DOLPP1: variants seen among roughly 807,000 people sequenced by gnomAD.
DOLPP1 encodes dolichyl pyrophosphate phosphatase 1.
DOLPP1 carries 15 observed loss-of-function variants against 34.1 expected under a neutral mutation model. The ratio of observed to expected loss-of-function variants is 0.44; its 90% CI spans 0.29 to 0.68. The LOEUF is 0.68. Among genes scored for constraint, DOLPP1 ranks in the 30% least tolerant of loss-of-function variants. The pLI is 0.12. For missense variants in DOLPP1, 249 were observed against 307.1 expected (o/e 0.81, Z 1.41); for synonymous variants, 130 against 128.2 (o/e 1.01, Z -0.10).
intron 1 of DOLPP1, among the ~76,000 whole-genome samples, chr9:129,084,116 C>A (rs1846938846): frequency 6.6e-6 from 1 of 152,238 alleles, no homozygotes; most frequent in African/African-American, 2.4e-5. Flanking sequence ...TCAGTGTGGA[C>A]CCAAGTCTGT....
At position 129,085,128 on chromosome 9, in the gene DOLPP1, GC is replaced by G; in HGVS notation, c.262+23del. Reference sequence around the variant, plus strand: ...TGGAGGTAGGGCCTCAGCTGCGAGGGCCTGAGGTTCCCCCAGGTTGGGGCGT... The same window carrying G: ...TGGAGGTAGGGCCTCAGCTGCGAGGGCTGAGGTTCCCCCAGGTTGGGGCGT... On this transcript the variant is annotated intron_variant, in intron 3 of 7. Transcript: ENST00000372546. The surrounding 1 kb of genome is among the most constrained non-coding windows in gnomAD (Gnocchi z 7.0). 3 of 1,606,046 alleles carry G rather than the reference GC, an allele frequency of 1.9e-6. No homozygotes were observed. The highest frequency in any genetic ancestry group is 2.6e-6 in the Non-Finnish European group (3 of 1,175,682).
chr9:129,087,953 C>T (rs979049025), intron 7 of DOLPP1, among the ~76,000 whole-genome samples: 5 of 151,776 alleles, frequency 3.3e-5, no homozygotes, highest in Non-Finnish European at 5.9e-5. Flanking sequence ...TTACCAAAAT[C>T]TCAGGGCACA....
Position 129,085,739 on chromosome 9 carries a change from G to A in DOLPP1, c.461+123G>A. 1.3e-6 allele frequency: 1 copy of A among 748,522 alleles called. No homozygotes were observed. The highest frequency in any genetic ancestry group is 2.1e-6 in the Non-Finnish European group (1 of 470,628). 46.4% of individuals were successfully genotyped at this position (748,522 alleles called of 1,614,324 possible). A position where few individuals can be genotyped will look rare whatever the true frequency, so the allele number is the denominator to read the frequency against. On this transcript the variant is annotated intron_variant, in intron 5 of 7. Coordinates refer to ENST00000372546, the MANE Select transcript of DOLPP1 (RefSeq NM_020438.5). The surrounding 1 kb of genome is among the most constrained non-coding windows in gnomAD (Gnocchi z 7.0). The stretch of plus-strand genomic sequence containing the variant: ...ACCTGTAGTGCAGGACTGGAAAAGG[G>A]GTCCCAGACCTCTAGTTTTAAAAGG...
At position 129,090,184 on chromosome 9, in the gene DOLPP1, T is replaced by C. The variant is rs758505954; in HGVS notation, c.*1177T>C. 6.6e-6 allele frequency: 1 copy of C among 152,656 alleles called. No homozygotes were observed. The highest frequency in any genetic ancestry group is 6.5e-5 in the Admixed American group (1 of 15,280). The allele number at this position is 152,656 out of a possible 1,614,324, so 9.5% of individuals were successfully genotyped here. ...TCCCCACCCCTTTCTTTGTGGAGTT[T>C]CCTAACCTGCTGCTGAAGCACAATG... is the stretch of plus-strand genomic sequence containing the variant. On this transcript the variant is annotated 3_prime_UTR_variant, in exon 8 of 8. Coordinates refer to ENST00000372546, the MANE Select transcript of DOLPP1 (RefSeq NM_020438.5).
Position 129,085,378 on chromosome 9 carries a change from C to T in DOLPP1, c.362+72C>T. ...AGTTCTGCTAGGGACTCACTGCTAGCCCTTTGGATGCCCCTGGGGTGGGAG... is the reference window on the plus strand; with the variant it reads ...AGTTCTGCTAGGGACTCACTGCTAGTCCTTTGGATGCCCCTGGGGTGGGAG... On this transcript the variant is annotated intron_variant, in intron 4 of 7. Coordinates refer to ENST00000372546, the MANE Select transcript of DOLPP1 (RefSeq NM_020438.5). This position sits in a 1 kb window ranked among gnomAD's most constrained non-coding sequence, Gnocchi z 7.0. 1 of 1,538,318 alleles carries T rather than the reference C, an allele frequency of 6.5e-7. No homozygotes were observed. The highest frequency in any genetic ancestry group is 9.0e-7 in the Non-Finnish European group (1 of 1,112,228).
In DOLPP1 at chr9:129,089,199, C is replaced by G. The variant is rs1006348978; in HGVS notation, c.*192C>G. The G allele has an allele frequency of 1.9e-6, 1 of 519,680 alleles. No individual in the cohort carries two copies. Among genetic ancestry groups the G allele is most frequent in the Admixed American group, 3.2e-5 (1 of 31,650 alleles). 32.2% of individuals were successfully genotyped at this position (519,680 alleles called of 1,614,324 possible). A position where few individuals can be genotyped will look rare whatever the true frequency, so the allele number is the denominator to read the frequency against. On this transcript the variant is annotated 3_prime_UTR_variant, in exon 8 of 8. Transcript: ENST00000372546. This position sits in a 1 kb window ranked among gnomAD's most constrained non-coding sequence, Gnocchi z 4.9. ...GCTGAACCAGCCCCTCAACCAGGACCCTGGGGGGCCTGCTGCCTGGGGGCC... is the reference window on the plus strand; with the variant it reads ...GCTGAACCAGCCCCTCAACCAGGACGCTGGGGGGCCTGCTGCCTGGGGGCC...
rs576457674 is a variant in DOLPP1, at chr9:129,089,961, C to G, written c.*954C>G. 1 of 152,386 alleles carries G rather than the reference C, an allele frequency of 6.6e-6. No individual in the cohort carries two copies. The highest frequency in any genetic ancestry group is 1.5e-5 in the Non-Finnish European group (1 of 68,076). The allele number at this position is 152,386 out of a possible 1,614,324, so 9.4% of individuals were successfully genotyped here. On this transcript the variant is annotated 3_prime_UTR_variant, in exon 8 of 8. Coordinates refer to ENST00000372546, the MANE Select transcript of DOLPP1 (RefSeq NM_020438.5). The surrounding 1 kb of genome is among the most constrained non-coding windows in gnomAD (Gnocchi z 4.9). ...GACCCATCTCTGACCAGCTGGGAAC[C>G]TGCTTGGGGTCCCCCTCAAACCTGT...
At chr9:129,081,230 A>T in intron 1 of DOLPP1, 23 bp downstream of exon 1, 1 of 1,605,864 alleles carries the variant, frequency 6.2e-7, no homozygotes, top group Non-Finnish European at 8.5e-7. Context: ...CCCGGCTCCA[A>T]GGACGCCTTC....
intron 2 of DOLPP1, 24 bp downstream of exon 2, chr9:129,084,792 TCCCCA>T: frequency 1.7e-6 from 2 of 1,160,954 alleles, no homozygotes; most frequent in South Asian, 1.2e-5. Flanking sequence ...GCCCACACCC[TCCCCA>T]CCCCACCCCC....
intron 7 of DOLPP1, among the ~76,000 whole-genome samples, chr9:129,088,157 G>A (rs1407750010): frequency 7.3e-6 from 1 of 137,450 alleles, no homozygotes; most frequent in Non-Finnish European, 1.6e-5. Context: ...GGGGGGGATG[G>A]GGGGATGGGG....
At chr9:129,087,223 T>A (rs1280480452) in intron 7 of DOLPP1, among the ~76,000 whole-genome samples, 1 of 152,170 alleles carries the variant, frequency 6.6e-6, no homozygotes, top group Non-Finnish European at 1.5e-5. Context: ...AGGACAGAGC[T>A]GAGCTTTGGA....
chr9:129,087,608 G>T (rs946257610), intron 7 of DOLPP1, among the ~76,000 whole-genome samples: 2 of 151,180 alleles, frequency 1.3e-5, no homozygotes, highest in Non-Finnish European at 3.0e-5. Flanking sequence ...GAGCCACCTC[G>T]CCCGGCCGAA....
chr9:129,084,310 G>C (rs960780778), intron 1 of DOLPP1, among the ~76,000 whole-genome samples: 1 of 152,258 alleles, frequency 6.6e-6, no homozygotes, highest in Non-Finnish European at 1.5e-5. Context: ...CTAGTGTCTG[G>C]AACAGGTCAG....
chr9:129,085,766 C>T lies in DOLPP1; in HGVS notation c.461+150C>T, dbSNP rs1846977407. The T allele has an allele frequency of 3.0e-6, 2 of 657,252 alleles. No homozygotes were observed. The highest frequency in any genetic ancestry group is 3.6e-5 in the African/African-American group (2 of 54,970). The allele number at this position is 657,252 out of a possible 1,614,324, so 40.7% of individuals were successfully genotyped here. A position where few individuals can be genotyped will look rare whatever the true frequency, so the allele number is the denominator to read the frequency against. On this transcript the variant is annotated intron_variant, in intron 5 of 7. Coordinates refer to ENST00000372546, the MANE Select transcript of DOLPP1 (RefSeq NM_020438.5). This position sits in a 1 kb window ranked among gnomAD's most constrained non-coding sequence, Gnocchi z 7.0. Reference sequence around the variant, plus strand: ...TCCCAGACCTCTAGTTTTAAAAGGACAGGGCTCCAGCTGCCTCTTCTAGCC... The same window carrying T: ...TCCCAGACCTCTAGTTTTAAAAGGATAGGGCTCCAGCTGCCTCTTCTAGCC...
In DOLPP1 at chr9:129,081,148, A is replaced by C. The variant is rs1295963625; in HGVS notation, c.17A>C (p.Gln6Pro). 6 of 1,609,418 alleles carry C rather than the reference A, an allele frequency of 3.7e-6. No individual in the cohort carries two copies. Among genetic ancestry groups the C allele is most frequent in the Non-Finnish European group, 5.1e-6 (6 of 1,179,340 alleles). The change falls in exon 1 of 8, where the codon CAG (glutamine) becomes CCG (proline). Residue 6 changes from glutamine to proline, a missense_variant. Coordinates refer to ENST00000372546, the MANE Select transcript of DOLPP1 (RefSeq NM_020438.5). ...CCGGGTAAGATGGCAGCGGACGGAC[A>C]GTGCTCGCTCCCCGCTTCATGGCGG... MAADG[Q>P]CSLPASWRPV...
chr9:129,085,006 T>G lies in DOLPP1; in HGVS notation c.178-17T>G. 1 of 1,553,474 alleles carries G rather than the reference T, an allele frequency of 6.4e-7. No individual in the cohort carries two copies. Among genetic ancestry groups the G allele is most frequent in the Non-Finnish European group, 8.7e-7 (1 of 1,150,776 alleles). On this transcript the variant is annotated splice_polypyrimidine_tract_variant and intron_variant, in intron 2 of 7. Transcript: ENST00000372546. This position sits in a 1 kb window ranked among gnomAD's most constrained non-coding sequence, Gnocchi z 7.0. ...AGGTGCACAGAGGCCCAGCTGACCA[T>G]GCGTCTTCCCCAGCAGATCTCCTTC...
intron 1 of DOLPP1, among the ~76,000 whole-genome samples, chr9:129,082,742 A>G (rs1049220827): frequency 6.6e-6 from 1 of 152,170 alleles, no homozygotes; most frequent in Non-Finnish European, 1.5e-5. Flanking sequence ...TCACACCGTC[A>G]CTTGCTTACT....
rs1475488941 is a variant in DOLPP1, at chr9:129,086,788, G to A, written c.670G>A (p.Ala224Thr). 6.2e-7 allele frequency: 1 copy of A among 1,613,570 alleles called. No homozygotes were observed. The highest frequency in any genetic ancestry group is 8.5e-7 in the Non-Finnish European group (1 of 1,179,976). ...CTGGTTTGAGTACACGGTAACCCGG[G>A]CAGAAGCCAGGTGAGTTCAGGGGAC... ...VLWFEYTVTR[A>T]EARNRQRKLG... is the part of the protein sequence containing the mutation. The change falls in exon 7 of 8, where the codon GCA becomes ACA. Residue 224 changes from alanine (A) to threonine (T), a missense_variant. By Grantham distance (58) the Ala-to-Thr change is moderately conservative. Coordinates refer to ENST00000372546, the MANE Select transcript of DOLPP1 (RefSeq NM_020438.5).
intron 1 of DOLPP1, 168 bp from the exon 2 acceptor site, chr9:129,084,500 G>A (rs949419599): frequency 1.4e-6 from 1 of 702,174 alleles, no homozygotes; most frequent in Non-Finnish European, 2.6e-6. Context: ...GTATGGCTGT[G>A]ACTGAGTTGG....
Sources: allele counts gnomAD v4.1 joint callset (sites outside exome capture counted in the v4.1 genomes callset), GRCh38; gene constraint gnomAD v4.1.1; non-coding constraint Gnocchi (gnomAD v3.1); transcripts MANE v1.5; gene names NCBI Gene and HGNC (gene_info 2026-07-23, HGNC 2026-07-21).